Variants in ZNF469 observed in about 807,000 individuals in gnomAD.
The protein encoded by ZNF469 is zinc finger protein 469.
Under a neutral mutation model 1.0 loss-of-function variants are expected in ZNF469, and 1 was observed. The ratio of observed to expected loss-of-function variants is 1.00; its 90% CI spans 0.35 to 4.73. The LOEUF (loss-of-function observed/expected upper bound fraction) is 4.73, where lower values mean the gene tolerates loss of function less well. ZNF469 is among the 30% of genes most tolerant of loss of function. ZNF469 has a pLI of 0.16. For missense variants in ZNF469, 6,100 were observed against 5,356.3 expected (o/e 1.14, Z -4.33); for synonymous variants, 2,703 against 2,363.4 (o/e 1.14, Z -4.17).
chr16:88,368,578 G>T, the ZNF469 span, among the ~76,000 whole-genome samples: 3 of 152,136 alleles, frequency 2.0e-5, no homozygotes, highest in Admixed American at 6.5e-5. Flanking sequence ...AGCCCTGGGA[G>T]AGTTTGTGGT....
chr16:88,174,490 C>CTATA, the ZNF469 span, among the ~76,000 whole-genome samples: 102 of 128,374 alleles, frequency 7.9e-4, 2 homozygotes, highest in Admixed American at 3.7e-3. Context: ...ATCTATCTAT[C>CTATA]TATCTATCTA....
At chr16:88,381,201 CACAG>C (rs1230058004), upstream of ZNF469, among the ~76,000 whole-genome samples, 12 of 110,570 alleles carry the variant, frequency 1.1e-4, no homozygotes, top group Non-Finnish European at 5.0e-5. Flanking sequence ...CACATGCATT[CACAG>C]ACACACACAC....
chr16:88,380,924 ACAGACACGCAC>A (rs1567495728), upstream of ZNF469, among the ~76,000 whole-genome samples: 314 of 50,174 alleles, frequency 6.3e-3, 7 homozygotes, highest in African/African-American at 0.089. Context: ...ATGCACTCAC[ACAGACACGCAC>A]TCACACACAG....
chr16:88,217,505 T>C, the ZNF469 span, among the ~76,000 whole-genome samples: 1 of 150,358 alleles, frequency 6.7e-6, no homozygotes, highest in Non-Finnish European at 1.5e-5. Context: ...GTTAGTTACA[T>C]ACGTATACAT....
intron 1 of ZNF469, among the ~76,000 whole-genome samples, chr16:88,386,499 A>G (rs2092537080): frequency 6.6e-6 from 1 of 151,180 alleles, no homozygotes; most frequent in Admixed American, 6.6e-5. Flanking sequence ...ACCTCCCATC[A>G]CTGGTGTCCC....
chr16:88,109,434 G>C, the ZNF469 span, among the ~76,000 whole-genome samples: 1 of 152,250 alleles, frequency 6.6e-6, no homozygotes, highest in Non-Finnish European at 1.5e-5. Flanking sequence ...GGCAGCCTCC[G>C]ATGTCACGTG....
chr16:88,438,888 T>A lies in ZNF469; in HGVS notation c.11418T>A (p.Gly3806=). 6.5e-7 allele frequency: 1 copy of A among 1,550,120 alleles called. No individual in the cohort carries two copies. The highest frequency in any genetic ancestry group is 2.4e-5 in the East Asian group (1 of 40,892). The change falls in exon 3 of 3, where the codon GGT becomes GGA. Residue 3806 remains glycine (G), a synonymous_variant. Transcript: ENST00000565624. ...AGCAGGGGCCCCACGGGAGCCTAGG[T>A]CCCAAGGAGAAGGGAGAGAGCAGTA... The part of the protein sequence containing the change: ...AGEQGPHGSL[G]PKEKGESSTK...
At chr16:88,380,488 C>A (rs1391794225), upstream of ZNF469, among the ~76,000 whole-genome samples, 3 of 144,590 alleles carry the variant, frequency 2.1e-5, no homozygotes, top group Non-Finnish European at 4.5e-5. Context: ...CATACGTGCA[C>A]ACACACATGC....
At chr16:88,401,398 C>T (rs1003303195) in intron 1 of ZNF469, among the ~76,000 whole-genome samples, 2 of 90,304 alleles carry the variant, frequency 2.2e-5, no homozygotes, top group African/African-American at 1.0e-4. Context: ...CTTGCAGGCC[C>T]AAGACCCAGA....
At chr16:88,274,315 T>C in the ZNF469 span, among the ~76,000 whole-genome samples, 1 of 152,190 alleles carries the variant, frequency 6.6e-6, no homozygotes, top group Non-Finnish European at 1.5e-5. Context: ...TGAAGAGAGT[T>C]CTGTGGATGG....
the ZNF469 span, among the ~76,000 whole-genome samples, chr16:88,171,745 T>C: frequency 6.6e-6 from 1 of 152,220 alleles, no homozygotes; most frequent in African/African-American, 2.4e-5. Flanking sequence ...CCTGATATCA[T>C]GTCCTTCCTG....
chr16:88,355,193 G>A, the ZNF469 span, among the ~76,000 whole-genome samples: 28 of 152,254 alleles, frequency 1.8e-4, no homozygotes, highest in Non-Finnish European at 2.8e-4. Context: ...AGACTATCAC[G>A]CCCCCTCCCA....
chr16:88,284,804 G>A, the ZNF469 span, among the ~76,000 whole-genome samples: 1 of 152,252 alleles, frequency 6.6e-6, no homozygotes, highest in South Asian at 2.1e-4. Flanking sequence ...TTGGTGAGGA[G>A]TGAGACTCAG....
At chr16:88,321,251 G>A in the ZNF469 span, among the ~76,000 whole-genome samples, 702 of 152,398 alleles carry the variant, frequency 4.6e-3, 6 homozygotes, top group African/African-American at 0.016. Flanking sequence ...AAATCCGTAG[G>A]GCAGGCTGGA....
chr16:88,232,406 G>A, the ZNF469 span, among the ~76,000 whole-genome samples: 3 of 142,668 alleles, frequency 2.1e-5, no homozygotes, highest in Non-Finnish European at 4.6e-5. Flanking sequence ...CCACCACCCC[G>A]CCTCCCAATT....
At chr16:88,204,151 C>A in the ZNF469 span, among the ~76,000 whole-genome samples, 21 of 150,312 alleles carry the variant, frequency 1.4e-4, 1 homozygote, top group Admixed American at 7.3e-4. Context: ...CCCCATAGAG[C>A]AGCCGGAGGC....
rs1230281600 is a variant in ZNF469 at position 88,437,451 on chromosome 16, G to A, written c.9981G>A (p.Pro3327=). The change falls in exon 3 of 3, where the codon CCG becomes CCA. Residue 3327 remains proline, a synonymous_variant. Coordinates refer to ENST00000565624, the MANE Select transcript of ZNF469 (RefSeq NM_001367624.2). The part of the protein sequence containing the change: ...AGGEPLLQAT[P]VHEACKDPSR... ...GGGAGCCCCTCCTGCAAGCCACCCC[G>A]GTGCACGAGGCCTGCAAGGACCCCT... The A allele has an allele frequency of 5.2e-6, 8 of 1,526,426 alleles. No homozygotes were observed. Among genetic ancestry groups the A allele is most frequent in the East Asian group, 5.0e-5 (2 of 39,606 alleles). 94.6% of individuals were successfully genotyped at this position (1,526,426 alleles called of 1,614,324 possible). A position where few individuals can be genotyped will look rare whatever the true frequency, so the allele number is the denominator to read the frequency against.
At chr16:88,102,325 C>T in the ZNF469 span, among the ~76,000 whole-genome samples, 4 of 152,146 alleles carry the variant, frequency 2.6e-5, no homozygotes, top group African/African-American at 9.7e-5. Flanking sequence ...GTAGAGCAGC[C>T]TGGCCAACAT....
chr16:88,355,724 C>T, the ZNF469 span, among the ~76,000 whole-genome samples: 1 of 152,190 alleles, frequency 6.6e-6, no homozygotes, highest in Admixed American at 6.5e-5. Context: ...CAGGGAGAGT[C>T]CTCTGGGCCA....
Sources: allele counts gnomAD v4.1 joint callset (sites outside exome capture counted in the v4.1 genomes callset), GRCh38; gene constraint gnomAD v4.1.1; transcripts MANE v1.5; gene names NCBI Gene and HGNC (gene_info 2026-07-23, HGNC 2026-07-21).